CYRIA: variants seen among roughly 807,000 people sequenced by gnomAD.
CYRIA encodes CYFIP related Rac1 interactor A.
Under a neutral mutation model 43.9 loss-of-function variants are expected in CYRIA, and 15 were observed. The observed-to-expected ratio is 0.34, with a 90% CI of 0.23 to 0.53. CYRIA has a LOEUF of 0.53. Ranked by LOEUF, CYRIA falls within the 20% of genes least tolerant of loss-of-function variation. The pLI is 0.94. For missense variants in CYRIA, 236 were observed against 394.2 expected, an observed-to-expected ratio of 0.60 and a Z score of 3.40; for synonymous variants, 117 against 136.0, an observed-to-expected ratio of 0.86 and a Z score of 0.97.
chr2:16,629,297 C>G (rs1310443106), intron 1 of CYRIA, among the ~76,000 whole-genome samples: 1 of 152,198 alleles, frequency 6.6e-6, no homozygotes, highest in Admixed American at 6.5e-5. Context: ...CCTCCCTTTT[C>G]CCCTGACTGG....
intron 1 of CYRIA, among the ~76,000 whole-genome samples, chr2:16,662,840 T>C (rs904270510): frequency 4.6e-5 from 7 of 152,232 alleles, no homozygotes; most frequent in African/African-American, 1.4e-4. Flanking sequence ...TACATCAGCC[T>C]GCCCTTCCTT....
At chr2:16,566,524 T>A (rs149092722) in intron 3 of CYRIA, among the ~76,000 whole-genome samples, 7 of 152,344 alleles carry the variant, frequency 4.6e-5, no homozygotes, top group South Asian at 2.1e-4. Flanking sequence ...TTGAACCTGA[T>A]CTCATGTTCA....
intron 2 of CYRIA, among the ~76,000 whole-genome samples, chr2:16,607,352 G>A (rs1668443075): frequency 6.6e-6 from 1 of 152,036 alleles, no homozygotes; most frequent in African/African-American, 2.4e-5. Context: ...ACAGAATCCA[G>A]GGAGCAAATA....
rs141752407 is a variant in CYRIA at position 16,551,756 on chromosome 2, G to T, written c.*1180C>A. 3.3e-5 allele frequency: 5 copies of T among 152,202 alleles called. No individual in the cohort carries two copies. Among genetic ancestry groups the T allele is most frequent in the African/African-American group, 1.2e-4 (5 of 41,548 alleles). 9.4% of individuals were successfully genotyped at this position (152,202 alleles called of 1,614,324 possible). On this transcript the variant is annotated 3_prime_UTR_variant, in exon 12 of 12. Coordinates refer to ENST00000381323, the MANE Select transcript of CYRIA (RefSeq NM_030797.4). Reference sequence around the variant, plus strand: ...GCATTAACCTTACAGGGCTCTTGAAGATTGTTTTAATTGCCCATTTTAGAG... The same window carrying T: ...GCATTAACCTTACAGGGCTCTTGAATATTGTTTTAATTGCCCATTTTAGAG...
At chr2:16,606,455 C>A (rs899086170) in intron 2 of CYRIA, among the ~76,000 whole-genome samples, 6 of 151,864 alleles carry the variant, frequency 4.0e-5, no homozygotes, top group Non-Finnish European at 8.8e-5. Context: ...GGATCATTCA[C>A]CAGTCTCTGA....
chr2:16,575,684 T>G (rs1378356854), intron 3 of CYRIA, among the ~76,000 whole-genome samples: 1 of 151,540 alleles, frequency 6.6e-6, no homozygotes, highest in Non-Finnish European at 1.5e-5. Flanking sequence ...TGAAACCCCG[T>G]CTCTACTAAA....
chr2:16,617,856 T>C lies in CYRIA; in HGVS notation c.-11+6008A>G, dbSNP rs59015709. Among the ~76,000 whole-genome samples the C allele has an allele frequency of 3.7e-3, 564 of 152,310 alleles. 5 individuals carry two copies. Among genetic ancestry groups the C allele is most frequent in the African/African-American group, 0.013 (544 of 41,570 alleles). On this transcript the variant is annotated intron_variant, in intron 2 of 11. Coordinates refer to ENST00000381323, the MANE Select transcript of CYRIA (RefSeq NM_030797.4). ...TTCAGAGATGGAAGAAGCTGCATGATCAAGCCCAATTCCCTCATAGTTACG... is the reference window on the plus strand; with the variant it reads ...TTCAGAGATGGAAGAAGCTGCATGACCAAGCCCAATTCCCTCATAGTTACG...
chr2:16,557,775 GGGCTACAA>G (rs1215958177), intron 10 of CYRIA, among the ~76,000 whole-genome samples: 1 of 152,066 alleles, frequency 6.6e-6, no homozygotes, highest in Non-Finnish European at 1.5e-5. Flanking sequence ...TTAAAGATTA[GGGCTACAA>G]GGCATAATTT....
At chr2:16,563,009 T>C (rs749886776) in intron 5 of CYRIA, among the ~76,000 whole-genome samples, 1 of 152,178 alleles carries the variant, frequency 6.6e-6, no homozygotes, top group Non-Finnish European at 1.5e-5. Flanking sequence ...ATAACTTTTA[T>C]AGCATTTCTA....
rs144108036 is a variant in CYRIA at position 16,576,772 on chromosome 2, A to C, written c.71-11005T>G. On this transcript the variant is annotated intron_variant, in intron 3 of 11. Transcript: ENST00000381323. ...GAACCAAAAGTATTGAGTTGTTTCC[A>C]TTTAAAATAAACAGATAAAGGAAAT... Among the ~76,000 whole-genome samples the C allele has an allele frequency of 2.4e-3, 370 of 152,318 alleles. 4 individuals carry two copies. The highest frequency in any genetic ancestry group is 8.5e-3 in the African/African-American group (353 of 41,580).
intron 1 of CYRIA, among the ~76,000 whole-genome samples, chr2:16,631,830 T>C (rs1446054626): frequency 1.3e-5 from 2 of 152,156 alleles, no homozygotes; most frequent in Admixed American, 1.3e-4. Context: ...AATGGTACCA[T>C]GGCCACGCTG....
rs1572445806 is a variant in CYRIA, at chr2:16,550,568, G to A, written c.*2368C>T. ...ACAAGTCTTGGCTAAATTGAGGCAG[G>A]ACAGCAGCCCCTTCCATATGTTTGG... On this transcript the variant is annotated 3_prime_UTR_variant, in exon 12 of 12. Coordinates refer to ENST00000381323, the MANE Select transcript of CYRIA (RefSeq NM_030797.4). 2 of 152,136 alleles carry A rather than the reference G, an allele frequency of 1.3e-5. No homozygotes were observed. Among genetic ancestry groups the A allele is most frequent in the East Asian group, 3.9e-4 (2 of 5,176 alleles). The allele number at this position is 152,136 out of a possible 1,614,324, so 9.4% of individuals were successfully genotyped here.
In CYRIA at chr2:16,557,964, C is replaced by T. The variant is rs79584471; in HGVS notation, c.837+1496G>A. Among the ~76,000 whole-genome samples the T allele has an allele frequency of 4.9e-3, 738 of 152,150 alleles. 8 individuals are homozygous for T. The highest frequency in any genetic ancestry group is 0.016 in the African/African-American group (662 of 41,526). On this transcript the variant is annotated intron_variant, in intron 10 of 11. Transcript: ENST00000381323. Reference sequence around the variant, plus strand: ...AAATGTTAAAGCCTCACAAAGGATACAGTAAAAATATTTATTGGTATAAAA... The same window carrying T: ...AAATGTTAAAGCCTCACAAAGGATATAGTAAAAATATTTATTGGTATAAAA...
At chr2:16,602,306 C>T (rs191060787) in intron 2 of CYRIA, among the ~76,000 whole-genome samples, 3 of 152,186 alleles carry the variant, frequency 2.0e-5, no homozygotes, top group Non-Finnish European at 2.9e-5. Context: ...TTGAAGAAAT[C>T]GAAGACTCAG....
At chr2:16,647,793 C>G (rs1669861011) in intron 1 of CYRIA, among the ~76,000 whole-genome samples, 2 of 152,208 alleles carry the variant, frequency 1.3e-5, no homozygotes, top group African/African-American at 4.8e-5. Flanking sequence ...GCAGTTCAAA[C>G]ACTTCTTCCA....
chr2:16,631,573 C>T (rs771269536), intron 1 of CYRIA, among the ~76,000 whole-genome samples: 1 of 152,236 alleles, frequency 6.6e-6, no homozygotes, highest in Non-Finnish European at 1.5e-5. Flanking sequence ...CAATCATAAA[C>T]CTCAGTCTCA....
chr2:16,549,896 T>C lies in CYRIA; in HGVS notation c.*3040A>G, dbSNP rs188377432. On this transcript the variant is annotated 3_prime_UTR_variant, in exon 12 of 12. Transcript: ENST00000381323. Reference sequence around the variant, plus strand: ...ACTAGGAGCAAATGTTGATCAAGCATGATGTTAACTAGTAGTTAAAAGGTA... The same window carrying C: ...ACTAGGAGCAAATGTTGATCAAGCACGATGTTAACTAGTAGTTAAAAGGTA... 2.0e-3 allele frequency: 302 copies of C among 152,160 alleles called. 1 individual carries two copies. The highest frequency in any genetic ancestry group is 7.1e-3 in the African/African-American group (294 of 41,540). The allele number at this position is 152,160 out of a possible 1,614,324, so 9.4% of individuals were successfully genotyped here.
chr2:16,646,406 C>T (rs1572201671), intron 1 of CYRIA, among the ~76,000 whole-genome samples: 1 of 152,164 alleles, frequency 6.6e-6, no homozygotes, highest in African/African-American at 2.4e-5. Flanking sequence ...TCCTATGAGG[C>T]AGAGCTTTTG....
chr2:16,556,914 C>T (rs766197919), intron 10 of CYRIA, among the ~76,000 whole-genome samples: 20 of 151,772 alleles, frequency 1.3e-4, no homozygotes, highest in Admixed American at 7.2e-4. Context: ...GGTTGGAGGA[C>T]GATGAAATAC....
Sources: gnomAD v4.1 joint callset for allele counts (sites outside exome capture counted in the v4.1 genomes callset) on GRCh38, gnomAD v4.1.1 for gene constraint, MANE v1.5 for transcripts, NCBI Gene and HGNC (gene_info 2026-07-23, HGNC 2026-07-21) for gene names.